Variants in CADM1 observed in about 807,000 individuals in gnomAD.
The protein encoded by CADM1 is cell adhesion molecule 1.
A neutral mutation model predicts 53.1 loss-of-function variants in CADM1; 15 were observed. That is an observed-to-expected ratio of 0.28 (90% confidence interval 0.19 to 0.44). CADM1 has a LOEUF of 0.44. Ranked by LOEUF, CADM1 falls within the 20% of genes least tolerant of loss-of-function variation. The pLI is 1.00. For missense variants in CADM1, 434 were observed against 611.3 expected, an observed-to-expected ratio of 0.71 and a Z score of 3.06; for synonymous variants, 281 against 243.0, an observed-to-expected ratio of 1.16 and a Z score of -1.45.
chr11:115,425,200 C>T (rs220862), intron 1 of CADM1, among the ~76,000 whole-genome samples: 126,159 of 152,226 alleles, frequency 0.83, 52,475 homozygotes, highest in African/African-American at 0.89. Context: ...AGATTCTGTC[C>T]GCTCTTTTAT....
intron 2 of CADM1, among the ~76,000 whole-genome samples, chr11:115,239,938 C>T (rs1942160832): frequency 6.6e-6 from 1 of 152,066 alleles, no homozygotes; most frequent in Non-Finnish European, 1.5e-5. Flanking sequence ...ATCTTCAAAC[C>T]AAAGGGATTA....
chr11:115,367,197 T>G (rs1946186571), intron 1 of CADM1, among the ~76,000 whole-genome samples: 1 of 152,220 alleles, frequency 6.6e-6, no homozygotes, highest in Non-Finnish European at 1.5e-5. Context: ...CGCACTTCAG[T>G]CTGGGCCTCA....
Position 115,229,216 on chromosome 11 carries a change from C to T in CADM1, c.618G>A (p.Met206Ile), listed in dbSNP as rs760544229. 1 of 1,614,046 alleles carries T rather than the reference C, an allele frequency of 6.2e-7. No individual in the cohort carries two copies. Among genetic ancestry groups the T allele is most frequent in the African/African-American group, 1.3e-5 (1 of 74,930 alleles). The change falls in exon 5 of 12, where the codon ATG becomes ATA. Residue 206 changes from methionine to isoleucine, a missense_variant. Around this residue, in one of 4 missense-constraint regions of CADM1, gnomAD observed 311 missense variants for 435.1 expected, o/e 0.71. Coordinates refer to ENST00000331581, the MANE Select transcript of CADM1 (RefSeq NM_001301043.2). The stretch of plus-strand genomic sequence containing the variant: ...CATCGTCCTCCTTGTGCACCTTCAG[C>T]ATCAGCTGACTGGTCACAGTGTACA... Reference protein sequence around the residue: ...SDMYTVTSQLMLKVHKEDDGV... With the variant: ...SDMYTVTSQLILKVHKEDDGV...
intron 1 of CADM1, among the ~76,000 whole-genome samples, chr11:115,319,636 T>C (rs919358868): frequency 1.3e-5 from 2 of 152,130 alleles, no homozygotes; most frequent in African/African-American, 2.4e-5. Context: ...AGTCAGAAAC[T>C]GAAGGCAGTT....
intron 1 of CADM1, among the ~76,000 whole-genome samples, chr11:115,438,364 T>C (rs568118709): frequency 1.3e-5 from 2 of 152,118 alleles, no homozygotes; most frequent in Non-Finnish European, 2.9e-5. Flanking sequence ...GCAGCAGCAG[T>C]ATAATGCTGA....
chr11:115,356,555 G>A (rs927743325), intron 1 of CADM1, among the ~76,000 whole-genome samples: 1 of 151,996 alleles, frequency 6.6e-6, no homozygotes, highest in African/African-American at 2.4e-5. Flanking sequence ...GTGAATGACA[G>A]GTCTAATGAA....
chr11:115,500,453 A>G (rs989443775), intron 1 of CADM1, among the ~76,000 whole-genome samples: 5 of 152,246 alleles, frequency 3.3e-5, no homozygotes, highest in Admixed American at 1.3e-4. Context: ...TCATTTAGCA[A>G]TATAGGCCAA....
At chr11:115,314,511 C>G (rs1298738836) in intron 1 of CADM1, among the ~76,000 whole-genome samples, 2 of 151,990 alleles carry the variant, frequency 1.3e-5, no homozygotes, top group African/African-American at 2.4e-5. Context: ...ATAAGTGAGC[C>G]CTCAGAATCA....
intron 1 of CADM1, among the ~76,000 whole-genome samples, chr11:115,266,386 C>A (rs982887888): frequency 6.6e-5 from 10 of 152,194 alleles, no homozygotes; most frequent in African/African-American, 2.4e-4. Context: ...TGCAGCACTC[C>A]TGTGCTACTG....
chr11:115,469,322 C>A (rs1948959615), intron 1 of CADM1, among the ~76,000 whole-genome samples: 2 of 152,182 alleles, frequency 1.3e-5, no homozygotes, highest in South Asian at 4.1e-4. Context: ...AATAGTTTTA[C>A]ATATATTAAC....
At chr11:115,274,092 T>C (rs1335450203) in intron 1 of CADM1, among the ~76,000 whole-genome samples, 1 of 152,250 alleles carries the variant, frequency 6.6e-6, no homozygotes, top group Non-Finnish European at 1.5e-5. Flanking sequence ...CCAGCCAACT[T>C]CTGCAGGTAA....
intron 5 of CADM1, among the ~76,000 whole-genome samples, chr11:115,225,336 G>A (rs1169883572): frequency 6.6e-6 from 1 of 151,746 alleles, no homozygotes; most frequent in Non-Finnish European, 1.5e-5. Context: ...TTAATTCACT[G>A]ATTCTGAAGG....
intron 1 of CADM1, among the ~76,000 whole-genome samples, chr11:115,245,870 C>T (rs1942392230): frequency 6.6e-6 from 1 of 152,192 alleles, no homozygotes; most frequent in Admixed American, 6.5e-5. Context: ...TCCTATCTTT[C>T]AATTCATTAA....
intron 1 of CADM1, among the ~76,000 whole-genome samples, chr11:115,242,794 CCAAGGCCTTA>C (rs1942286041): frequency 6.6e-6 from 1 of 152,154 alleles, no homozygotes; most frequent in Non-Finnish European, 1.5e-5. Flanking sequence ...TCAACATAAA[CCAAGGCCTTA>C]CAAATCCTGA....
chr11:115,238,521 A>G lies in CADM1; in HGVS notation c.403T>C (p.Tyr135His). ...TTACCCAGGACTGTGATGGTGGTGT[A>G]ACTTTCCTGTGGGGGATCGGTATAG... ...QLYTDPPQES[Y>H]TTITVLVPPR... Residue 135 changes from tyrosine (Y) to histidine (H), a missense_variant, in exon 3 of 12, where the codon TAC becomes CAC. This residue lies in a region of CADM1 where 311 missense variants were observed against 435.1 expected (regional missense o/e 0.71). Coordinates refer to ENST00000331581, the MANE Select transcript of CADM1 (RefSeq NM_001301043.2). The G allele has an allele frequency of 1.2e-6, 2 of 1,613,894 alleles. No homozygotes were observed. The highest frequency in any genetic ancestry group is 1.3e-5 in the African/African-American group (1 of 74,996).
At position 115,209,567 on chromosome 11, in the gene CADM1, A is replaced by G. The variant is rs755701435; in HGVS notation, c.1078+7T>C. 2 of 1,612,582 alleles carry G rather than the reference A, an allele frequency of 1.2e-6. No individual in the cohort carries two copies. Among genetic ancestry groups the G allele is most frequent in the East Asian group, 2.2e-5 (1 of 44,832 alleles). The stretch of plus-strand genomic sequence containing the variant: ...GGACATTTTCAATGGTAATGAAGAT[A>G]CCATACCTGTGATGATGGTAAGGAT... On this transcript the variant is annotated splice_region_variant and intron_variant, in intron 8 of 11. Transcript: ENST00000331581.
intron 1 of CADM1, among the ~76,000 whole-genome samples, chr11:115,436,483 C>T (rs1049126721): frequency 6.6e-6 from 1 of 152,168 alleles, no homozygotes; most frequent in African/African-American, 2.4e-5. Flanking sequence ...TGACTCTCTG[C>T]TCTATGTTCC....
intron 5 of CADM1, among the ~76,000 whole-genome samples, chr11:115,221,687 C>G (rs1169122006): frequency 6.6e-6 from 1 of 152,168 alleles, no homozygotes; most frequent in Non-Finnish European, 1.5e-5. Flanking sequence ...TGAAAAGACA[C>G]AGTCTCCTCT....
chr11:115,443,614 C>T (rs193175322), intron 1 of CADM1, among the ~76,000 whole-genome samples: 230 of 152,286 alleles, frequency 1.5e-3, no homozygotes, highest in Non-Finnish European at 2.2e-3. Context: ...TTAGTGTTCT[C>T]AGAAGAGACT....
Sources: gnomAD v4.1 joint callset for allele counts (sites outside exome capture counted in the v4.1 genomes callset) on GRCh38, gnomAD v4.1.1 for gene constraint, gnomAD v4.1.1 regional missense constraint, MANE v1.5 for transcripts, NCBI Gene and HGNC (gene_info 2026-07-23, HGNC 2026-07-21) for gene names.